PCDH9: variants seen among roughly 807,000 people sequenced by gnomAD.
PCDH9 encodes the protein protocadherin 9.
In PCDH9, 24 loss-of-function variants were observed where a neutral mutation model predicts 70.6. The observed-to-expected ratio is 0.34, with a 90% CI of 0.25 to 0.48. The LOEUF (loss-of-function observed/expected upper bound fraction) is 0.48. Ranked by LOEUF, PCDH9 falls within the 20% of genes least tolerant of loss-of-function variation. The pLI is 0.99. For synonymous variants in PCDH9, 562 were observed against 558.5 expected (o/e 1.01, Z -0.09); for missense variants, 1,281 against 1,503.6 (o/e 0.85, Z 2.45).
chr13:66,722,178 CT>C (rs2078950104), intron 3 of PCDH9, among the ~76,000 whole-genome samples: 1 of 152,162 alleles, frequency 6.6e-6, no homozygotes, highest in Admixed American at 6.5e-5. Context: ...GAGGTAAGTG[CT>C]GCTTGGCTTT....
At chr13:66,884,214 C>T (rs2081970200) in intron 3 of PCDH9, among the ~76,000 whole-genome samples, 1 of 152,026 alleles carries the variant, frequency 6.6e-6, no homozygotes, top group African/African-American at 2.4e-5. Flanking sequence ...AGCGTTCTTG[C>T]TTTTAATTTC....
chr13:66,467,688 T>C (rs1345242817), intron 4 of PCDH9, among the ~76,000 whole-genome samples: 1 of 152,018 alleles, frequency 6.6e-6, no homozygotes, highest in Non-Finnish European at 1.5e-5. Flanking sequence ...CTATAATTTC[T>C]TTTGAATGGA....
intron 4 of PCDH9, among the ~76,000 whole-genome samples, chr13:66,597,928 A>T (rs1234589253): frequency 6.6e-6 from 1 of 151,706 alleles, no homozygotes; most frequent in Non-Finnish European, 1.5e-5. Flanking sequence ...CACTTCTCCA[A>T]AAAAAAACAA....
intron 3 of PCDH9, among the ~76,000 whole-genome samples, chr13:66,701,265 G>T (rs1028674896): frequency 1.3e-5 from 2 of 150,416 alleles, no homozygotes; most frequent in Non-Finnish European, 3.0e-5. Flanking sequence ...AACCGTTTTT[G>T]TGTATATATA....
intron 3 of PCDH9, among the ~76,000 whole-genome samples, chr13:66,854,422 A>T (rs1566242945): frequency 6.6e-6 from 1 of 152,164 alleles, no homozygotes; most frequent in Non-Finnish European, 1.5e-5. Context: ...TGGATTCTAT[A>T]TTCGTGAATG....
chr13:67,220,546 G>A (rs2089702098), intron 2 of PCDH9: 1 of 151,950 alleles, frequency 6.6e-6, no homozygotes, highest in African/African-American at 2.4e-5. Context: ...TACACCATAA[G>A]AATGTAACAT....
chr13:66,453,628 T>G (rs1399604542), intron 4 of PCDH9, among the ~76,000 whole-genome samples: 1 of 152,162 alleles, frequency 6.6e-6, no homozygotes, highest in Admixed American at 6.5e-5. Context: ...TTAACCACTG[T>G]GGACACCCAT....
chr13:67,007,989 A>T lies in PCDH9; in HGVS notation c.3037-104384T>A, dbSNP rs368890384. 5.3e-5 allele frequency among the ~76,000 whole-genome samples: 8 copies of T among 152,272 alleles called. No individual in the cohort carries two copies. The South Asian group carries it at 1.2e-3, about 24-fold the overall frequency. ...GCTTCAAATTGAAGCTTACTTTATC[A>T]TTCATATTAGCATCCTTCATGAAAC... is the stretch of plus-strand genomic sequence containing the variant. On this transcript the variant is annotated intron_variant, in intron 2 of 4. Transcript: ENST00000377865.
chr13:66,965,857 T>A (rs1335220542), intron 2 of PCDH9, among the ~76,000 whole-genome samples: 1 of 151,940 alleles, frequency 6.6e-6, no homozygotes, highest in African/African-American at 2.4e-5. Context: ...GTGATGTAAA[T>A]TCTTATCTAA....
intron 2 of PCDH9, among the ~76,000 whole-genome samples, chr13:67,098,821 C>A (rs2086375073): frequency 6.6e-6 from 1 of 151,426 alleles, no homozygotes; most frequent in South Asian, 2.1e-4. Flanking sequence ...GAAAATAAAC[C>A]AGTGAAAATG....
At chr13:66,530,311 T>C (rs1163310971) in intron 4 of PCDH9, among the ~76,000 whole-genome samples, 1 of 152,094 alleles carries the variant, frequency 6.6e-6, no homozygotes, top group Non-Finnish European at 1.5e-5. Context: ...TTTTCGACAG[T>C]GTGTGGCTTA....
At chr13:66,465,907 T>A (rs1020493739) in intron 4 of PCDH9, among the ~76,000 whole-genome samples, 4 of 151,948 alleles carry the variant, frequency 2.6e-5, no homozygotes, top group African/African-American at 9.7e-5. Flanking sequence ...TTAGACCCCA[T>A]GTAATGTCCT....
intron 4 of PCDH9, among the ~76,000 whole-genome samples, chr13:66,576,461 C>T (rs774450664): frequency 3.5e-4 from 53 of 152,112 alleles, no homozygotes; most frequent in Non-Finnish European, 6.9e-4. Flanking sequence ...TTAAAGATAG[C>T]ATTCACAGTT....
chr13:66,501,510 C>T (rs1959177031), intron 4 of PCDH9, among the ~76,000 whole-genome samples: 1 of 152,074 alleles, frequency 6.6e-6, no homozygotes, highest in Non-Finnish European at 1.5e-5. Context: ...ATTTATCTCC[C>T]ATTCCATTTT....
At chr13:66,821,196 T>C (rs530388049) in intron 3 of PCDH9, among the ~76,000 whole-genome samples, 1 of 152,274 alleles carries the variant, frequency 6.6e-6, no homozygotes, top group South Asian at 2.1e-4. Flanking sequence ...ATCTCCATTT[T>C]TATGTTCAGC....
At chr13:67,218,720 C>T (rs553426459) in intron 2 of PCDH9, 13 of 152,142 alleles carry the variant, frequency 8.5e-5, no homozygotes, top group East Asian at 1.9e-4. Context: ...TGAAGCTGTA[C>T]GTAGCAGGCT....
rs182897175 is a variant in PCDH9, at chr13:67,189,606, A to T, written c.3036+35799T>A. 2.0e-5 allele frequency among the ~76,000 whole-genome samples: 3 copies of T among 152,194 alleles called. No homozygotes were observed. In the East Asian group the frequency reaches 5.8e-4, roughly 29 times the overall value. ...TGCCTGATAAAATTTCTTTCTAATT[A>T]GTTACAAAAATATATACAATTAAAA... On this transcript the variant is annotated intron_variant, in intron 2 of 4. Transcript: ENST00000377865.
At chr13:66,397,718 A>G (rs1052257415) in intron 4 of PCDH9, among the ~76,000 whole-genome samples, 4 of 151,458 alleles carry the variant, frequency 2.6e-5, no homozygotes, top group Non-Finnish European at 5.9e-5. Flanking sequence ...CCATGTTATC[A>G]TTGGTGTGTC....
Position 66,862,838 on chromosome 13 carries a change from G to A in PCDH9, c.3138+40666C>T, listed in dbSNP as rs868779393. Among the ~76,000 whole-genome samples, 4 of 151,934 alleles carry A rather than the reference G, an allele frequency of 2.6e-5. No homozygotes were observed. The South Asian group carries it at 8.4e-4, about 32-fold the overall frequency. On this transcript the variant is annotated intron_variant, in intron 3 of 4. Coordinates refer to ENST00000377865, the MANE Select transcript of PCDH9 (RefSeq NM_203487.3). Reference sequence around the variant, plus strand: ...TGTCATTTTAATAAACACCCCAGTAGAAAGAATAGTTATAAGATAGCATAA... The same window carrying A: ...TGTCATTTTAATAAACACCCCAGTAAAAAGAATAGTTATAAGATAGCATAA...
Sources: allele counts gnomAD v4.1 joint callset (sites outside exome capture counted in the v4.1 genomes callset), GRCh38; gene constraint gnomAD v4.1.1; transcripts MANE v1.5; gene names NCBI Gene and HGNC (gene_info 2026-07-23, HGNC 2026-07-21).